The following BROX variants were observed in gnomAD, a reference collection of about 807,000 sequenced individuals.
BROX encodes BRO1 domain-containing protein BROX.
Under a neutral mutation model 61.0 loss-of-function variants are expected in BROX, and 53 were observed. The ratio of observed to expected loss-of-function variants is 0.87; its 90% confidence interval spans 0.70 to 1.09. BROX has a LOEUF of 1.09. Ranked by LOEUF, BROX falls within the 50% of genes least tolerant of loss-of-function variation. The pLI, the probability that BROX is intolerant of heterozygous loss-of-function variation, is 0.00. For synonymous variants in BROX, 152 were observed against 160.2 expected (o/e 0.95, Z 0.38); for missense variants, 489 against 472.0 (o/e 1.04, Z -0.33).
At chr1:222,719,512 A>G (rs1656905646) in intron 4 of BROX, among the ~76,000 whole-genome samples, 153 bp downstream of exon 4, 1 of 152,190 alleles carries the variant, frequency 6.6e-6, no homozygotes. Context: ...TTTTACCTCA[A>G]TCCTAGTACA....
intron 4 of BROX, among the ~76,000 whole-genome samples, chr1:222,720,046 T>TGGGG (rs1459466245): frequency 6.6e-6 from 1 of 152,240 alleles, no homozygotes; most frequent in African/African-American, 2.4e-5. Context: ...TGGAGGTTGC[T>TGGGG]GAAAGACCAG....
chr1:222,730,100 A>G lies in BROX; in HGVS notation c.912A>G (p.Ser304=), dbSNP rs774992845. Reference sequence around the variant, plus strand: ...GACCTGGACCAACAGTCAAACCTTCAGGACATCTGTTCTTTAGGAAACTTG... The same window carrying G: ...GACCTGGACCAACAGTCAAACCTTCGGGACATCTGTTCTTTAGGAAACTTG... ...TKGPGPTVKP[S]GHLFFRKLGN... The change falls in exon 11 of 13, where the codon TCA becomes TCG. Residue 304 remains serine, a synonymous_variant. Transcript: ENST00000340934. 3.1e-6 allele frequency: 5 copies of G among 1,613,434 alleles called. No homozygotes were observed. In the Admixed American group the frequency reaches 5.0e-5, roughly 16 times the overall value.
At chr1:222,730,847 C>G (rs1161525075) in intron 11 of BROX, among the ~76,000 whole-genome samples, 1 of 152,064 alleles carries the variant, frequency 6.6e-6, no homozygotes, top group East Asian at 1.9e-4. Context: ...TTTGCATATT[C>G]GTCTCACTCT....
At chr1:222,719,962 T>G (rs1656944369) in intron 4 of BROX, among the ~76,000 whole-genome samples, 1 of 152,224 alleles carries the variant, frequency 6.6e-6, no homozygotes, top group Non-Finnish European at 1.5e-5. Flanking sequence ...CACCATTTTG[T>G]TGTTGAAATG....
At position 222,712,849 on chromosome 1, in the gene BROX, CG is replaced by C. The variant is rs1281145748; in HGVS notation, c.-108del. 1 of 1,279,092 alleles carries C rather than the reference CG, an allele frequency of 7.8e-7. No individual in the cohort carries two copies. Among genetic ancestry groups the C allele is most frequent in the Non-Finnish European group, 1.0e-6 (1 of 982,038 alleles). The allele number at this position is 1,279,092 out of a possible 1,614,324, so 79.2% of individuals were successfully genotyped here. A position where few individuals can be genotyped will look rare whatever the true frequency, so the allele number is the denominator to read the frequency against. The stretch of plus-strand genomic sequence containing the variant: ...TTCCGTCACCCTGGTTCTGTAGTCT[CG>C]GTTCTCCGACTCCCTCTTTTTCTCG... On this transcript the variant is annotated 5_prime_UTR_variant, in exon 1 of 13. Coordinates refer to ENST00000340934, the MANE Select transcript of BROX (RefSeq NM_144695.4).
chr1:222,716,751 CA>C (rs1269333466), intron 2 of BROX, among the ~76,000 whole-genome samples: 1 of 151,962 alleles, frequency 6.6e-6, no homozygotes, highest in Non-Finnish European at 1.5e-5. Flanking sequence ...TGGCACTTTC[CA>C]AAAAAATATT....
At position 222,727,274 on chromosome 1, in the gene BROX, G is replaced by T; in HGVS notation, c.670+17G>T. The T allele has an allele frequency of 1.9e-6, 3 of 1,562,320 alleles. No individual in the cohort carries two copies. Among genetic ancestry groups the T allele is most frequent in the Non-Finnish European group, 2.6e-6 (3 of 1,134,398 alleles). On this transcript the variant is annotated intron_variant, in intron 8 of 12. Coordinates refer to ENST00000340934, the MANE Select transcript of BROX (RefSeq NM_144695.4). ...AAAAAGCTGGTAAGCTTCTAATTCT[G>T]TCGTTACATTTTTAGTCTTTAGATT...
At position 222,712,831 on chromosome 1, in the gene BROX, A is replaced by T. The variant is rs1484729521; in HGVS notation, c.-128A>T. Reference sequence around the variant, plus strand: ...CTTGGCGCCGTCCTGGTTTTCCGTCACCCTGGTTCTGTAGTCTCGGTTCTC... The same window carrying T: ...CTTGGCGCCGTCCTGGTTTTCCGTCTCCCTGGTTCTGTAGTCTCGGTTCTC... On this transcript the variant is annotated 5_prime_UTR_variant, in exon 1 of 13. Coordinates refer to ENST00000340934, the MANE Select transcript of BROX (RefSeq NM_144695.4). 1 of 1,285,018 alleles carries T rather than the reference A, an allele frequency of 7.8e-7. No individual in the cohort carries two copies. The highest frequency in any genetic ancestry group is 1.5e-5 in the African/African-American group (1 of 65,572). The allele number at this position is 1,285,018 out of a possible 1,614,324, so 79.6% of individuals were successfully genotyped here. A position where few individuals can be genotyped will look rare whatever the true frequency, so the allele number is the denominator to read the frequency against.
Position 222,719,014 on chromosome 1 carries a change from AT to A in BROX, c.194del (p.Phe65SerfsTer8), listed in dbSNP as rs1218408144. The stretch of plus-strand genomic sequence containing the variant: ...ATGATGAAGAATGCAGCAGATTCAT[AT>A]TTCTCACTTTTACAAGGTTAGTTAT... ...PEMMKNAADS[Y>X]FSLLQGFINS... On this transcript the variant is annotated frameshift_variant, in exon 3 of 13. Transcript: ENST00000340934. LOFTEE classifies it high-confidence loss of function. 6.2e-7 allele frequency: 1 copy of A among 1,612,992 alleles called. No homozygotes were observed. The highest frequency in any genetic ancestry group is 8.5e-7 in the Non-Finnish European group (1 of 1,179,500).
Position 222,733,063 on chromosome 1 carries a change from C to CTTTTTTTTTTTCTTTT in BROX, c.*360_*361insCTTTTTTTTTTTTTTT, listed in dbSNP as rs1658058998. 8 of 104,876 alleles carry CTTTTTTTTTTTCTTTT rather than the reference C, an allele frequency of 7.6e-5. No individual in the cohort carries two copies. The highest frequency in any genetic ancestry group is 1.8e-4 in the African/African-American group (5 of 27,238). 6.5% of individuals were successfully genotyped at this position (104,876 alleles called of 1,614,324 possible). ...AGGTATGTTTTTCTTTTTTCTTTTTCTTTTTTTTTTTTCTTTTTTTTTTTT... is the reference window on the plus strand; with the variant it reads ...AGGTATGTTTTTCTTTTTTCTTTTTCTTTTTTTTTTTCTTTTTTTTTTTTTTTTCTTTTTTTTTTTT... On this transcript the variant is annotated 3_prime_UTR_variant, in exon 13 of 13. Transcript: ENST00000340934.
At chr1:222,731,587 A>G (rs1179111956) in intron 12 of BROX, 71 bp downstream of exon 12, 9 of 1,476,744 alleles carry the variant, frequency 6.1e-6, no homozygotes, top group South Asian at 5.1e-5. Flanking sequence ...TAGCATTTTG[A>G]TATTTTTCTC....
In BROX at chr1:222,712,627, T is replaced by G; in HGVS notation, c.-332T>G. 1.5e-6 allele frequency: 2 copies of G among 1,332,232 alleles called. No individual in the cohort carries two copies. Among genetic ancestry groups the G allele is most frequent in the Non-Finnish European group, 2.0e-6 (2 of 1,018,246 alleles). 82.5% of individuals were successfully genotyped at this position (1,332,232 alleles called of 1,614,324 possible). On this transcript the variant is annotated 5_prime_UTR_variant, in exon 1 of 13. Transcript: ENST00000340934. ...CCTCGGCTCCGGAGGTAGGGGCAAC[T>G]CTTCTCTTCCTGTCTGGGAAAAAGA...
chr1:222,718,227 G>A (rs1365773747), intron 2 of BROX: 3 of 152,140 alleles, frequency 2.0e-5, no homozygotes, highest in Non-Finnish European at 1.5e-5. Context: ...AAAATTTAGT[G>A]TTATTGGAAT....
At chr1:222,714,209 CTTTTTTT>C (rs397864188) in intron 1 of BROX, among the ~76,000 whole-genome samples, 4 of 126,800 alleles carry the variant, frequency 3.2e-5, no homozygotes, top group African/African-American at 9.6e-5. Context: ...AGACATGCTG[CTTTTTTT>C]TTTTTTTTTT....
chr1:222,714,356 C>T (rs1458037195), intron 1 of BROX, among the ~76,000 whole-genome samples: 1 of 151,876 alleles, frequency 6.6e-6, no homozygotes, highest in Non-Finnish European at 1.5e-5. Context: ...GCGACCGCCA[C>T]CATGCCCGGC....
At chr1:222,713,531 C>T in intron 1 of BROX, 1 of 777,634 alleles carries the variant, frequency 1.3e-6, no homozygotes, top group Non-Finnish European at 1.6e-6. Context: ...GTATTGGTGG[C>T]TCTAAAGGCA....
intron 5 of BROX, among the ~76,000 whole-genome samples, 187 bp from the exon 6 acceptor site, chr1:222,723,905 C>T (rs1408576153): frequency 1.3e-5 from 2 of 152,260 alleles, no homozygotes; most frequent in East Asian, 1.9e-4. Context: ...GCAACCTGCC[C>T]GTCTCGGCCT....
intron 11 of BROX, 28 bp downstream of exon 11, chr1:222,730,205 A>ACTCAC: frequency 7.2e-7 from 1 of 1,380,524 alleles, no homozygotes; most frequent in Admixed American, 2.2e-5. Flanking sequence ...TTACTTTAGT[A>ACTCAC]ATAATATTAT....
At position 222,719,612 on chromosome 1, in the gene BROX, T is replaced by G. The variant is rs17163445; in HGVS notation, c.305+253T>G. On this transcript the variant is annotated intron_variant, in intron 4 of 12. Coordinates refer to ENST00000340934, the MANE Select transcript of BROX (RefSeq NM_144695.4). Reference sequence around the variant, plus strand: ...ACTACAGTTGAACAGCCTTGACCTTTAATAACACACAAAGGATGATTTGAG... The same window carrying G: ...ACTACAGTTGAACAGCCTTGACCTTGAATAACACACAAAGGATGATTTGAG... Among the ~76,000 whole-genome samples, 278 of 152,352 alleles carry G rather than the reference T, an allele frequency of 1.8e-3. 1 individual carries two copies. The highest frequency in any genetic ancestry group is 6.3e-3 in the African/African-American group (262 of 41,584).
Sources: gnomAD v4.1 joint callset for allele counts (sites outside exome capture counted in the v4.1 genomes callset) on GRCh38, gnomAD v4.1.1 for gene constraint, MANE v1.5 for transcripts, NCBI Gene and HGNC (gene_info 2026-07-23, HGNC 2026-07-21) for gene names.